Variants in GLYR1 observed in about 807,000 individuals in gnomAD.
GLYR1 encodes cytokine-like nuclear factor N-PAC.
GLYR1 carries 21 observed loss-of-function variants against 72.7 expected under a neutral mutation model. The ratio of observed to expected loss-of-function variants is 0.29; its 90% CI spans 0.20 to 0.42. GLYR1 has a LOEUF of 0.42. Among genes scored for constraint, GLYR1 ranks in the 10% least tolerant of loss-of-function variants. The pLI is 1.00. For missense variants in GLYR1, 594 were observed against 712.1 expected (o/e 0.83, Z 1.89); for synonymous variants, 392 against 270.2 (o/e 1.45, Z -4.42).
intron 15 of GLYR1, among the ~76,000 whole-genome samples, chr16:4,808,235 C>CG (rs1491283574): frequency 1.2e-5 from 1 of 81,440 alleles, no homozygotes; most frequent in Non-Finnish European, 2.5e-5. Context: ...GACTCTGTCT[C>CG]AAAAAAAAAA....
rs142616070 is a variant in GLYR1, at chr16:4,804,383, G to C, written c.*853C>G. 1 of 152,962 alleles carries C rather than the reference G, an allele frequency of 6.5e-6. No homozygotes were observed. Among genetic ancestry groups the C allele is most frequent in the Non-Finnish European group, 1.5e-5 (1 of 68,316 alleles). 9.5% of individuals were successfully genotyped at this position (152,962 alleles called of 1,614,324 possible). On this transcript the variant is annotated 3_prime_UTR_variant, in exon 16 of 16. Transcript: ENST00000321919. ...CCCCACTCCTCTTGGCTCATCACTA[G>C]TGGCCCTGAGGACTCCCTCCCAAGG...
chr16:4,825,949 G>A lies in GLYR1; in HGVS notation c.538-2042C>T, dbSNP rs559884117. 2.1e-4 allele frequency among the ~76,000 whole-genome samples: 32 copies of A among 152,350 alleles called. No individual in the cohort carries two copies. The South Asian group carries it at 6.6e-3, about 32-fold the overall frequency. On this transcript the variant is annotated intron_variant, in intron 5 of 15. Transcript: ENST00000321919. The stretch of plus-strand genomic sequence containing the variant: ...TTACAGGCGTGAGCCACTGCACCCA[G>A]CCCTATTATAATCTTCTTTTACAGA...
At chr16:4,809,266 T>C (rs1315634124) in intron 15 of GLYR1, among the ~76,000 whole-genome samples, 1 of 142,824 alleles carries the variant, frequency 7.0e-6, no homozygotes, top group Non-Finnish European at 1.5e-5. Flanking sequence ...CTAGGCTCAC[T>C]GCAACCTCCC....
intron 12 of GLYR1, 129 bp from the exon 13 acceptor site, chr16:4,812,377 T>C (rs1005243269): frequency 1.0e-5 from 10 of 960,242 alleles, no homozygotes; most frequent in East Asian, 5.3e-5. Flanking sequence ...CGGCCACCCA[T>C]ACCAAGGTCC....
chr16:4,839,076 G>A (rs373966278), intron 3 of GLYR1, among the ~76,000 whole-genome samples: 3 of 151,980 alleles, frequency 2.0e-5, no homozygotes, highest in African/African-American at 4.8e-5. Context: ...TTCAGCCTTC[G>A]GATAGACAGG....
rs1310499976 is a variant in GLYR1, at chr16:4,803,502, AG to A, written c.*1733del. 1 of 152,686 alleles carries A rather than the reference AG, an allele frequency of 6.5e-6. No homozygotes were observed. Among genetic ancestry groups the A allele is most frequent in the Non-Finnish European group, 1.5e-5 (1 of 68,048 alleles). The allele number at this position is 152,686 out of a possible 1,614,324, so 9.5% of individuals were successfully genotyped here. ...AGCTTAAACAGAAATATTCATAAAAAGGAACTTTACAGAATTGTCAACAATA... is the reference window on the plus strand; with the variant it reads ...AGCTTAAACAGAAATATTCATAAAAAGAACTTTACAGAATTGTCAACAATA... On this transcript the variant is annotated 3_prime_UTR_variant, in exon 16 of 16. Coordinates refer to ENST00000321919, the MANE Select transcript of GLYR1 (RefSeq NM_032569.4).
At chr16:4,807,376 G>A (rs1303077552) in intron 15 of GLYR1, among the ~76,000 whole-genome samples, 2 of 152,162 alleles carry the variant, frequency 1.3e-5, no homozygotes, top group Admixed American at 6.6e-5. Context: ...GCCTCCCAAA[G>A]TGTTGAGATT....
intron 1 of GLYR1, chr16:4,846,967 T>G: frequency 1.0e-5 from 5 of 498,050 alleles, no homozygotes; most frequent in Non-Finnish European, 1.8e-5. Context: ...GGGCCGCCAG[T>G]ATCTGGGCCC....
chr16:4,819,549 G>A (rs944686475), intron 9 of GLYR1, among the ~76,000 whole-genome samples: 1 of 152,114 alleles, frequency 6.6e-6, no homozygotes, highest in Admixed American at 6.5e-5. Context: ...GGCCTCAAGG[G>A]ATCCTTCTGC....
chr16:4,808,040 A>G lies in GLYR1; in HGVS notation c.1588-2730T>C, dbSNP rs560700859. Among the ~76,000 whole-genome samples the G allele has an allele frequency of 1.2e-4, 18 of 152,200 alleles. No homozygotes were observed. The South Asian group carries it at 3.7e-3, about 32-fold the overall frequency. ...TACTTGAGGCCAGGAGTTCGAGTCC[A>G]GCCTGGTCAAAATGGTAAAACCCTG... On this transcript the variant is annotated intron_variant, in intron 15 of 15. Coordinates refer to ENST00000321919, the MANE Select transcript of GLYR1 (RefSeq NM_032569.4).
intron 3 of GLYR1, among the ~76,000 whole-genome samples, chr16:4,838,121 G>A (rs1361046040): frequency 6.6e-6 from 1 of 152,058 alleles, no homozygotes; most frequent in Non-Finnish European, 1.5e-5. Context: ...GAAGATTACT[G>A]AGGTGTTACA....
chr16:4,830,315 C>T (rs367920562), intron 5 of GLYR1, among the ~76,000 whole-genome samples: 5 of 151,828 alleles, frequency 3.3e-5, no homozygotes, highest in South Asian at 2.1e-4. Context: ...CTGCCTCAGC[C>T]TCCCAAAGTG....
chr16:4,808,951 T>A (rs2083160259), intron 15 of GLYR1, among the ~76,000 whole-genome samples: 1 of 152,026 alleles, frequency 6.6e-6, no homozygotes, highest in African/African-American at 2.4e-5. Flanking sequence ...GGCAAGAGAG[T>A]GAGACTGTGT....
intron 12 of GLYR1, 60 bp from the exon 13 acceptor site, chr16:4,812,308 A>T: frequency 6.4e-7 from 1 of 1,551,098 alleles, no homozygotes; most frequent in African/African-American, 1.4e-5. Flanking sequence ...TCTGGGCAGG[A>T]CTCAAGGAGT....
chr16:4,830,499 C>G (rs2084725793), intron 5 of GLYR1, among the ~76,000 whole-genome samples: 2 of 152,204 alleles, frequency 1.3e-5, no homozygotes, highest in Admixed American at 6.5e-5. Context: ...GCTGGGGTGC[C>G]TGGCACCCGT....
intron 14 of GLYR1, 148 bp from the exon 15 acceptor site, chr16:4,811,442 C>T: frequency 4.0e-6 from 5 of 1,265,242 alleles, no homozygotes; most frequent in South Asian, 2.8e-5. Flanking sequence ...CCCTTAGACA[C>T]CTGAGGGCTG....
chr16:4,836,005 C>T (rs1207424635), intron 3 of GLYR1, among the ~76,000 whole-genome samples: 1 of 152,032 alleles, frequency 6.6e-6, no homozygotes, highest in East Asian at 1.9e-4. Context: ...CACCATGTTG[C>T]CCAGGTTGGT....
Position 4,845,144 on chromosome 16 carries a change from G to T in GLYR1, c.85C>A (p.Pro29Thr). The change falls in exon 3 of 16, where the codon CCA (proline) becomes ACA (threonine). Residue 29 changes from proline to threonine, a missense_variant. Pro to Thr is a conservative substitution (Grantham distance 38, BLOSUM62 -1). Coordinates refer to ENST00000321919, the MANE Select transcript of GLYR1 (RefSeq NM_032569.4). ...YPPWPGKIVN[P>T]PKDLKKPRGK... ...CGAGGTTTCTTCAAGTCCTTTGGTG[G>T]ATTAACAATCTGGAGGATAAAAGGG... 6.2e-7 allele frequency: 1 copy of T among 1,613,844 alleles called. No individual in the cohort carries two copies. The highest frequency in any genetic ancestry group is 8.5e-7 in the Non-Finnish European group (1 of 1,179,756).
At chr16:4,835,952 T>C (rs1258004096) in intron 3 of GLYR1, among the ~76,000 whole-genome samples, 1 of 152,180 alleles carries the variant, frequency 6.6e-6, no homozygotes, top group Admixed American at 6.5e-5. Context: ...AAGGTTACAC[T>C]TCTTTCATCT....
Sources: gnomAD v4.1 joint callset for allele counts (sites outside exome capture counted in the v4.1 genomes callset) on GRCh38, gnomAD v4.1.1 for gene constraint, MANE v1.5 for transcripts, NCBI Gene and HGNC (gene_info 2026-07-23, HGNC 2026-07-21) for gene names.